KCNH5: variants seen among roughly 807,000 people sequenced by gnomAD.
KCNH5 encodes the protein voltage-gated delayed rectifier potassium channel KCNH5.
A neutral mutation model predicts 96.1 loss-of-function variants in KCNH5; 46 were observed. That is an observed-to-expected ratio of 0.48 (90% CI 0.38 to 0.61). The LOEUF (loss-of-function observed/expected upper bound fraction) is 0.61, where lower values mean the gene tolerates loss of function less well. KCNH5 is among the 20% of genes least tolerant of loss of function. The pLI, the probability that KCNH5 is intolerant of heterozygous loss-of-function variation, is 0.00. For missense variants in KCNH5, 907 were observed against 1,225.8 expected, an observed-to-expected ratio of 0.74 and a Z score of 3.88; for synonymous variants, 439 against 449.8, an observed-to-expected ratio of 0.98 and a Z score of 0.30.
chr14:62,778,652 T>C (rs1886147507), intron 10 of KCNH5, among the ~76,000 whole-genome samples: 1 of 152,254 alleles, frequency 6.6e-6, no homozygotes, highest in African/African-American at 2.4e-5. Context: ...ATAGGTCTAT[T>C]GAGCATACGT....
intron 7 of KCNH5, among the ~76,000 whole-genome samples, chr14:62,854,616 C>A (rs1887894222): frequency 6.6e-6 from 1 of 151,942 alleles, no homozygotes; most frequent in South Asian, 2.1e-4. Flanking sequence ...ATCATATAGT[C>A]AATCCATGTA....
chr14:63,027,499 G>C (rs1021603477), intron 1 of KCNH5, among the ~76,000 whole-genome samples: 1 of 148,698 alleles, frequency 6.7e-6, no homozygotes. Flanking sequence ...AAAAAACTCT[G>C]AGTTGTTATG....
intron 7 of KCNH5, among the ~76,000 whole-genome samples, chr14:62,910,261 T>C (rs1195106260): frequency 6.6e-6 from 1 of 151,884 alleles, no homozygotes; most frequent in Non-Finnish European, 1.5e-5. Flanking sequence ...ATTAAAGAAA[T>C]AGCAAACATC....
intron 8 of KCNH5, among the ~76,000 whole-genome samples, chr14:62,842,542 A>G (rs1394463558): frequency 6.6e-6 from 1 of 152,210 alleles, no homozygotes; most frequent in African/African-American, 2.4e-5. Flanking sequence ...TTGTTGCATA[A>G]TGCTTTCAAA....
intron 8 of KCNH5, among the ~76,000 whole-genome samples, chr14:62,829,407 G>A (rs1359626375): frequency 6.6e-6 from 1 of 152,314 alleles, no homozygotes; most frequent in South Asian, 2.1e-4. Flanking sequence ...GCAGGCTTCT[G>A]CCTAGACATC....
At chr14:63,000,003 C>T (rs1291856125) in intron 4 of KCNH5, among the ~76,000 whole-genome samples, 2 of 151,992 alleles carry the variant, frequency 1.3e-5, no homozygotes, top group Non-Finnish European at 2.9e-5. Flanking sequence ...AATATGGGTC[C>T]AAATTGAATA....
At chr14:62,910,761 T>C (rs1381587064) in intron 7 of KCNH5, among the ~76,000 whole-genome samples, 1 of 152,132 alleles carries the variant, frequency 6.6e-6, no homozygotes, top group East Asian at 1.9e-4. Flanking sequence ...GCTTCCCAGC[T>C]CACAGTTTTG....
intron 7 of KCNH5, among the ~76,000 whole-genome samples, chr14:62,947,222 T>C (rs1486784011): frequency 6.6e-6 from 1 of 152,210 alleles, no homozygotes; most frequent in Non-Finnish European, 1.5e-5. Flanking sequence ...TATGCTCAAG[T>C]ATAAGGCAAA....
chr14:62,712,383 T>C (rs545319008), intron 10 of KCNH5: 66 of 436,234 alleles, frequency 1.5e-4, no homozygotes, highest in Non-Finnish European at 2.6e-4. Flanking sequence ...TTAAGTGTCA[T>C]GGAATGAGAA....
chr14:62,871,540 G>C (rs1595664138), intron 7 of KCNH5, among the ~76,000 whole-genome samples: 1 of 152,170 alleles, frequency 6.6e-6, no homozygotes, highest in African/African-American at 2.4e-5. Flanking sequence ...GTTTCATTTA[G>C]AGATATGTCT....
chr14:62,985,099 C>T (rs1352967619), intron 5 of KCNH5, among the ~76,000 whole-genome samples: 1 of 152,152 alleles, frequency 6.6e-6, no homozygotes, highest in African/African-American at 2.4e-5. Flanking sequence ...GAACTAGCTC[C>T]AAAATCTAAG....
chr14:62,760,183 C>A (rs1054199924), intron 10 of KCNH5, among the ~76,000 whole-genome samples: 1 of 152,164 alleles, frequency 6.6e-6, no homozygotes, highest in Non-Finnish European at 1.5e-5. Context: ...CCAACTAGGT[C>A]ATTTGACATC....
At chr14:63,033,582 G>A (rs188267221) in intron 1 of KCNH5, among the ~76,000 whole-genome samples, 9 of 152,268 alleles carry the variant, frequency 5.9e-5, no homozygotes, top group East Asian at 3.9e-4. Context: ...CTTGGTGAAC[G>A]CCTGCCTCCC....
intron 6 of KCNH5, among the ~76,000 whole-genome samples, chr14:62,956,736 T>G (rs112040717): frequency 0.031 from 4,665 of 152,216 alleles, 169 homozygotes; most frequent in African/African-American, 0.092. Context: ...GAATTGCATT[T>G]AATTCCTGTT....
At chr14:63,001,279 A>T (rs1215356207) in intron 4 of KCNH5, 52 bp downstream of exon 4, 19 of 1,513,448 alleles carry the variant, frequency 1.3e-5, no homozygotes, top group Non-Finnish European at 1.7e-5. Context: ...CAGTAAGAAG[A>T]TCTTTTAGCA....
intron 3 of KCNH5, among the ~76,000 whole-genome samples, chr14:63,002,752 A>G (rs1301634859): frequency 6.6e-6 from 1 of 152,206 alleles, no homozygotes; most frequent in Non-Finnish European, 1.5e-5. Context: ...GGAGATTTCT[A>G]TGGGACTATT....
chr14:62,753,510 T>C (rs1885548776), intron 10 of KCNH5, among the ~76,000 whole-genome samples: 1 of 152,176 alleles, frequency 6.6e-6, no homozygotes, highest in Non-Finnish European at 1.5e-5. Context: ...ACAAAGCAGA[T>C]TTAACCCAAA....
At chr14:62,894,922 G>C (rs1213053758) in intron 7 of KCNH5, among the ~76,000 whole-genome samples, 1 of 152,018 alleles carries the variant, frequency 6.6e-6, no homozygotes, top group Non-Finnish European at 1.5e-5. Flanking sequence ...TCTACAGCTG[G>C]GAATCTATAG....
At chr14:62,955,027 C>G (rs1890076881) in intron 6 of KCNH5, among the ~76,000 whole-genome samples, 1 of 151,140 alleles carries the variant, frequency 6.6e-6, no homozygotes, top group Non-Finnish European at 1.5e-5. Flanking sequence ...ACAGCCAAAC[C>G]ATATCACTAG....
Sources: allele counts gnomAD v4.1 joint callset (sites outside exome capture counted in the v4.1 genomes callset), GRCh38; gene constraint gnomAD v4.1.1; transcripts MANE v1.5; gene names NCBI Gene and HGNC (gene_info 2026-07-23, HGNC 2026-07-21).